The following KLC1 variants were observed in gnomAD, a reference collection of about 807,000 sequenced individuals.
KLC1 encodes kinesin 2 60/70kDa.
KLC1 carries 30 observed loss-of-function variants against 84.2 expected under a neutral mutation model. That is an observed-to-expected ratio of 0.36 (90% CI 0.27 to 0.48). KLC1 has a LOEUF of 0.48. Ranked by LOEUF, KLC1 falls within the 20% of genes least tolerant of loss-of-function variation. KLC1 has a pLI of 0.99. For missense variants in KLC1, 499 were observed against 805.4 expected (o/e 0.62, Z 4.60); for synonymous variants, 289 against 293.3 (o/e 0.99, Z 0.15).
intron 16 of KLC1, 83 bp from the exon 17 acceptor site, chr14:103,701,118 C>T (rs1490707256): frequency 1.3e-6 from 2 of 1,510,950 alleles, no homozygotes; most frequent in Non-Finnish European, 1.8e-6. Flanking sequence ...TGGGGGTTCC[C>T]CAGAGAGCTG....
rs563390714 is a variant in KLC1 at position 103,642,084 on chromosome 14, C to G, written c.-1-12480C>G. 4.7e-4 allele frequency among the ~76,000 whole-genome samples: 71 copies of G among 152,234 alleles called. 2 individuals are homozygous for G. The highest frequency in any genetic ancestry group is 1.5e-3 in the African/African-American group (62 of 41,546). On this transcript the variant is annotated intron_variant, in intron 1 of 16. Coordinates refer to ENST00000334553, the MANE Select transcript of KLC1 (RefSeq NM_001394837.1). ...TAGCTGGGATTACAGGCATGCACCA[C>G]CATGCCCGGCTAATTTTGTATTTTT...
Position 103,686,078 on chromosome 14 carries a change from C to T in KLC1, c.1651-1003C>T, listed in dbSNP as rs531030174. On this transcript the variant is annotated intron_variant, in intron 13 of 16. Coordinates refer to ENST00000334553, the MANE Select transcript of KLC1 (RefSeq NM_001394837.1). The stretch of plus-strand genomic sequence containing the variant: ...AGCCCTGGGGGCCCCGCTCGGACTC[C>T]GGGTCTCCCTAGGATATGCCCCAGT... The T allele has an allele frequency of 1.4e-4, 140 of 1,016,748 alleles. 1 individual carries two copies. The Middle Eastern group carries it at 2.0e-3, about 14-fold the overall frequency. 63.0% of individuals were successfully genotyped at this position (1,016,748 alleles called of 1,614,324 possible). A position where few individuals can be genotyped will look rare whatever the true frequency, so the allele number is the denominator to read the frequency against.
At chr14:103,651,210 A>G (rs1426936161) in intron 1 of KLC1, among the ~76,000 whole-genome samples, 2 of 151,932 alleles carry the variant, frequency 1.3e-5, no homozygotes, top group African/African-American at 2.4e-5. Context: ...GGGTTTCACC[A>G]TGTTGGCCAG....
chr14:103,685,797 G>A (rs2081738339), intron 13 of KLC1: 11 of 1,220,638 alleles, frequency 9.0e-6, no homozygotes, highest in African/African-American at 1.6e-5. Flanking sequence ...CGGTGCTGCT[G>A]TCCTTTTTGG....
intron 7 of KLC1, among the ~76,000 whole-genome samples, chr14:103,672,350 A>G (rs183904804): frequency 1.3e-5 from 2 of 152,318 alleles, no homozygotes; most frequent in East Asian, 3.9e-4. Flanking sequence ...TCATTCATCT[A>G]TCTCTGTGCC....
chr14:103,674,625 G>T (rs1372954952), intron 9 of KLC1, among the ~76,000 whole-genome samples: 1 of 152,080 alleles, frequency 6.6e-6, no homozygotes, highest in African/African-American at 2.4e-5. Context: ...ATGTTGGCCA[G>T]ACTGGTCTTG....
chr14:103,685,383 A>G, intron 13 of KLC1: 1 of 1,208,696 alleles, frequency 8.3e-7, no homozygotes, highest in African/African-American at 1.6e-5. Context: ...CTTTACGCTT[A>G]AAGTGTTGAC....
rs929414040 is a variant in KLC1, at chr14:103,654,475, G to A, written c.-1-89G>A. On this transcript the variant is annotated intron_variant, in intron 1 of 16. Transcript: ENST00000334553. Reference sequence around the variant, plus strand: ...CATATTTATTATTCCCCTATAAAATGTTAATTAAAAAATTTTCATATTTAC... The same window carrying A: ...CATATTTATTATTCCCCTATAAAATATTAATTAAAAAATTTTCATATTTAC... The A allele has an allele frequency of 2.9e-6, 3 of 1,020,216 alleles. No homozygotes were observed. The African/African-American group carries it at 4.9e-5, about 17-fold the overall frequency. 63.2% of individuals were successfully genotyped at this position (1,020,216 alleles called of 1,614,324 possible). A position where few individuals can be genotyped will look rare whatever the true frequency, so the allele number is the denominator to read the frequency against.
chr14:103,683,422 C>T (rs2081531021), intron 13 of KLC1: 2 of 152,190 alleles, frequency 1.3e-5, no homozygotes, highest in Non-Finnish European at 2.9e-5. Context: ...CACGGTCTTG[C>T]CTCTGAAAAT....
intron 14 of KLC1, among the ~76,000 whole-genome samples, chr14:103,689,591 C>T (rs1184833044): frequency 2.6e-5 from 4 of 152,156 alleles, no homozygotes; most frequent in South Asian, 4.1e-4. Flanking sequence ...CTGTGAGGCC[C>T]CACCCCTGAG....
chr14:103,698,333 G>A (rs2082746809), intron 15 of KLC1: 1 of 194,200 alleles, frequency 5.1e-6, no homozygotes, highest in Admixed American at 5.3e-5. Flanking sequence ...GAGTGGTGGG[G>A]GAGTAAGGAC....
Position 103,662,113 on chromosome 14 carries a change from T to C in KLC1, c.493-3T>C, listed in dbSNP as rs1223623467. On this transcript the variant is annotated splice_polypyrimidine_tract_variant and splice_region_variant and intron_variant, in intron 3 of 16. Coordinates refer to ENST00000334553, the MANE Select transcript of KLC1 (RefSeq NM_001394837.1). The stretch of plus-strand genomic sequence containing the variant: ...GAAGTGTTGTCCTGGGTCTGTTTTA[T>C]AGGAGGACAAAGACACTGATTCTAC... The C allele has an allele frequency of 6.2e-7, 1 of 1,611,996 alleles. No individual in the cohort carries two copies. Among genetic ancestry groups the C allele is most frequent in the Non-Finnish European group, 8.5e-7 (1 of 1,178,056 alleles).
chr14:103,651,513 T>G (rs887193238), intron 1 of KLC1, among the ~76,000 whole-genome samples: 15 of 152,218 alleles, frequency 9.9e-5, no homozygotes, highest in African/African-American at 1.4e-4. Flanking sequence ...TTATATAAGC[T>G]GTCTTTGGTT....
intron 2 of KLC1, among the ~76,000 whole-genome samples, chr14:103,655,861 C>T (rs149480030): frequency 1.3e-5 from 2 of 152,232 alleles, no homozygotes; most frequent in East Asian, 3.9e-4. Context: ...TTTTGAAAAG[C>T]GGATCCAAAA....
intron 5 of KLC1, among the ~76,000 whole-genome samples, chr14:103,663,385 A>G (rs886904146): frequency 1.3e-5 from 2 of 152,098 alleles, no homozygotes; most frequent in Admixed American, 1.3e-4. Flanking sequence ...CGGCCTATTT[A>G]GCAAGCTTTG....
intron 1 of KLC1, among the ~76,000 whole-genome samples, chr14:103,636,721 T>C (rs1222210768): frequency 1.3e-5 from 2 of 151,740 alleles, no homozygotes; most frequent in Non-Finnish European, 1.5e-5. Flanking sequence ...TCCTTACATA[T>C]TTATTTATTT....
At chr14:103,650,349 C>A (rs1269163451) in intron 1 of KLC1, among the ~76,000 whole-genome samples, 1 of 152,074 alleles carries the variant, frequency 6.6e-6, no homozygotes, top group African/African-American at 2.4e-5. Context: ...TTCATTCATT[C>A]ATTGCACACA....
intron 2 of KLC1, among the ~76,000 whole-genome samples, chr14:103,656,212 C>G (rs557500110): frequency 6.6e-6 from 1 of 152,228 alleles, no homozygotes; most frequent in East Asian, 1.9e-4. Context: ...TATGGCTGTA[C>G]CTGGGTGAGT....
At chr14:103,675,527 C>T (rs780818284) in intron 9 of KLC1, 25 bp from the exon 10 acceptor site, 2 of 1,604,834 alleles carry the variant, frequency 1.2e-6, no homozygotes, top group Admixed American at 1.7e-5. Flanking sequence ...GATGCTCAAC[C>T]TGTATGCTGT....
Sources: gnomAD v4.1 joint callset for allele counts (sites outside exome capture counted in the v4.1 genomes callset) on GRCh38, gnomAD v4.1.1 for gene constraint, MANE v1.5 for transcripts, NCBI Gene and HGNC (gene_info 2026-07-23, HGNC 2026-07-21) for gene names.